Variants in SLC35D2 observed in about 807,000 individuals in gnomAD.
The protein encoded by SLC35D2 is solute carrier family 35 member D2.
Under a neutral mutation model 41.8 loss-of-function variants are expected in SLC35D2, and 43 were observed. The observed-to-expected ratio is 1.03, with a 90% confidence interval of 0.81 to 1.33. SLC35D2 has a LOEUF of 1.33. Among genes scored for constraint, SLC35D2 ranks in the 40% most tolerant of loss-of-function variants. The pLI is 0.00. For missense variants in SLC35D2, 380 were observed against 408.4 expected (o/e 0.93, Z 0.60); for synonymous variants, 150 against 163.9 (o/e 0.92, Z 0.65).
chr9:96,358,078 T>TATATATATATA (rs1491320526), intron 4 of SLC35D2, among the ~76,000 whole-genome samples: 76 of 79,218 alleles, frequency 9.6e-4, no homozygotes, highest in African/African-American at 4.8e-3. Context: ...ATATTATATA[T>TATATATATATA]TTTATATATA....
At chr9:96,344,701 T>C (rs1829496166) in intron 7 of SLC35D2, among the ~76,000 whole-genome samples, 1 of 138,648 alleles carries the variant, frequency 7.2e-6, no homozygotes, top group African/African-American at 2.8e-5. Flanking sequence ...CCGGGCTTCC[T>C]TGTAACAGCT....
chr9:96,345,152 T>C (rs1031730472), intron 7 of SLC35D2, 147 bp downstream of exon 7: 5 of 543,460 alleles, frequency 9.2e-6, no homozygotes, highest in East Asian at 6.7e-5. Context: ...TAATAACTTA[T>C]ACAGACAAGA....
intron 4 of SLC35D2, among the ~76,000 whole-genome samples, chr9:96,357,057 A>G (rs1830056518): frequency 6.6e-6 from 1 of 151,920 alleles, no homozygotes; most frequent in Non-Finnish European, 1.5e-5. Context: ...ACATGCCTAT[A>G]ATCCCAGCTA....
At chr9:96,358,659 C>T (rs1363861641) in intron 4 of SLC35D2, among the ~76,000 whole-genome samples, 1 of 152,098 alleles carries the variant, frequency 6.6e-6, no homozygotes, top group African/African-American at 2.4e-5. Flanking sequence ...TTTTATCCTG[C>T]TTTTCCTATA....
rs761462875 is a variant in SLC35D2, at chr9:96,383,479, G to A, written c.156C>T (p.Tyr52=). 1.6e-5 allele frequency: 24 copies of A among 1,531,202 alleles called. No individual in the cohort carries two copies. The Middle Eastern group carries it at 5.3e-4, about 34-fold the overall frequency. 94.9% of individuals were successfully genotyped at this position (1,531,202 alleles called of 1,614,324 possible). A position where few individuals can be genotyped will look rare whatever the true frequency, so the allele number is the denominator to read the frequency against. The change falls in exon 1 of 12, where the codon TAC becomes TAT. Residue 52 remains tyrosine (Y), a splice_region_variant and synonymous_variant. Transcript: ENST00000253270. ...VLVNKALLTT[Y]GFPSPIFLGI... ...CCCGGCCCCGGGCCCCGCCTCACCC[G>A]TAGGTGGTCAGCAGCGCCTTGTTGA...
intron 1 of SLC35D2, among the ~76,000 whole-genome samples, chr9:96,372,574 C>CTTTTTTTT (rs71368250): frequency 3.3e-5 from 3 of 90,142 alleles, no homozygotes; most frequent in Non-Finnish European, 6.2e-5. Context: ...TAAATAATTA[C>CTTTTTTTT]TTTTTTTTTT....
chr9:96,353,347 A>ATTTC (rs1008848319), intron 4 of SLC35D2, among the ~76,000 whole-genome samples: 1 of 150,992 alleles, frequency 6.6e-6, no homozygotes, highest in Non-Finnish European at 1.5e-5. Flanking sequence ...GCAAAGGATT[A>ATTTC]TTTATTTATT....
Position 96,368,120 on chromosome 9 carries a change from A to G in SLC35D2, c.192+152T>C, listed in dbSNP as rs560433353. The G allele has an allele frequency of 7.9e-6, 4 of 503,916 alleles. No individual in the cohort carries two copies. The East Asian group carries it at 1.3e-4, about 16-fold the overall frequency. 31.2% of individuals were successfully genotyped at this position (503,916 alleles called of 1,614,324 possible). On this transcript the variant is annotated intron_variant, in intron 2 of 11. Transcript: ENST00000253270. Reference sequence around the variant, plus strand: ...AGACTGAAATAAAATAAGTGTCAATATGTCCTGTTGTCTCACCAGGAGTAC... The same window carrying G: ...AGACTGAAATAAAATAAGTGTCAATGTGTCCTGTTGTCTCACCAGGAGTAC...
At chr9:96,324,261 CT>C in intron 9 of SLC35D2, 92 bp from the exon 10 acceptor site, 1 of 958,398 alleles carries the variant, frequency 1.0e-6, no homozygotes. Context: ...CACACAAGCA[CT>C]TTAAGCGAAG....
In SLC35D2 at chr9:96,383,533, G is replaced by A. The variant is rs1831298475; in HGVS notation, c.102C>T (p.Tyr34=). The A allele has an allele frequency of 6.6e-7, 1 of 1,516,850 alleles. No individual in the cohort carries two copies. The highest frequency in any genetic ancestry group is 8.8e-7 in the Non-Finnish European group (1 of 1,132,094). 94.0% of individuals were successfully genotyped at this position (1,516,850 alleles called of 1,614,324 possible). ...RVARLLSALF[Y]GTCSFLIVLV... is the part of the protein sequence containing the mutation. ...GCACGATGAGGAAGGAGCAGGTCCC[G>A]TAGAAGAGCGCCGACAGCAGCCGGG... The change falls in exon 1 of 12, where the codon TAC becomes TAT. Residue 34 remains tyrosine (Y), a synonymous_variant. Transcript: ENST00000253270.
intron 8 of SLC35D2, among the ~76,000 whole-genome samples, chr9:96,342,019 CA>C (rs1257577032): frequency 6.7e-6 from 1 of 150,130 alleles, no homozygotes; most frequent in Non-Finnish European, 1.5e-5. Flanking sequence ...CAAAACAAAA[CA>C]AAAACAAAAA....
chr9:96,324,289 T>A, intron 9 of SLC35D2, 120 bp from the exon 10 acceptor site: 1 of 681,044 alleles, frequency 1.5e-6, no homozygotes, highest in South Asian at 2.3e-5. Context: ...GAAACACATA[T>A]CATAAAGGTT....
chr9:96,378,906 G>A (rs1248853865), intron 1 of SLC35D2, among the ~76,000 whole-genome samples: 7 of 151,872 alleles, frequency 4.6e-5, no homozygotes, highest in African/African-American at 9.7e-5. Flanking sequence ...TCCAGCCTGG[G>A]CAACAGAACA....
chr9:96,365,173 G>A (rs1179215891), intron 2 of SLC35D2, among the ~76,000 whole-genome samples: 1 of 151,894 alleles, frequency 6.6e-6, no homozygotes, highest in Non-Finnish European at 1.5e-5. Flanking sequence ...AAGCAACATG[G>A]TGAAAACCCA....
At chr9:96,317,481 A>T (rs1381839043), downstream of SLC35D2, among the ~76,000 whole-genome samples, 1 of 152,138 alleles carries the variant, frequency 6.6e-6, no homozygotes, top group Non-Finnish European at 1.5e-5. Flanking sequence ...CTTTAGCTGT[A>T]CAGCAAACAT....
chr9:96,382,382 T>C (rs1037679565), intron 1 of SLC35D2, among the ~76,000 whole-genome samples: 3 of 151,504 alleles, frequency 2.0e-5, no homozygotes, highest in South Asian at 2.1e-4. Context: ...TGAACCCAGA[T>C]GGTCGAGGCT....
At chr9:96,339,744 G>A (rs987218530) in intron 8 of SLC35D2, among the ~76,000 whole-genome samples, 11 of 151,922 alleles carry the variant, frequency 7.2e-5, no homozygotes, top group African/African-American at 2.2e-4. Context: ...AAGTTCACCC[G>A]CTGAGTATTT....
At chr9:96,336,664 A>T in intron 9 of SLC35D2, 53 bp downstream of exon 9, 1 of 1,057,532 alleles carries the variant, frequency 9.5e-7, no homozygotes, top group Non-Finnish European at 1.4e-6. Context: ...TCTTGATTTG[A>T]CTTGTCAAGA....
chr9:96,368,258 T>C lies in SLC35D2; in HGVS notation c.192+14A>G. The C allele has an allele frequency of 1.3e-6, 2 of 1,593,580 alleles. 1 individual carries two copies. The highest frequency in any genetic ancestry group is 2.3e-5 in the South Asian group (2 of 88,576). ...TAACAAAATAAGAGGTTAATTCTATTTTTTTTCACTCACCTGTCCAATTCC... is the reference window on the plus strand; with the variant it reads ...TAACAAAATAAGAGGTTAATTCTATCTTTTTTCACTCACCTGTCCAATTCC... On this transcript the variant is annotated intron_variant, in intron 2 of 11. Transcript: ENST00000253270.
Sources: allele counts gnomAD v4.1 joint callset (sites outside exome capture counted in the v4.1 genomes callset), GRCh38; gene constraint gnomAD v4.1.1; transcripts MANE v1.5; gene names NCBI Gene and HGNC (gene_info 2026-07-23, HGNC 2026-07-21).